Variants in DOCK3 observed in about 807,000 individuals in gnomAD.
DOCK3 encodes dedicator of cytokinesis protein 3.
Under a neutral mutation model 265.6 loss-of-function variants are expected in DOCK3, and 60 were observed. The observed-to-expected ratio is 0.23, with a 90% CI of 0.18 to 0.28. The LOEUF (loss-of-function observed/expected upper bound fraction) is 0.28. Among genes scored for constraint, DOCK3 ranks in the 10% least tolerant of loss-of-function variants. The pLI, the probability that DOCK3 is intolerant of heterozygous loss-of-function variation, is 1.00. For synonymous variants in DOCK3, 881 were observed against 938.0 expected (o/e 0.94, Z 1.11); for missense variants, 1,981 against 2,594.3 (o/e 0.76, Z 5.14).
intron 4 of DOCK3, among the ~76,000 whole-genome samples, chr3:50,901,290 A>G (rs1259536280): frequency 1.3e-5 from 2 of 151,962 alleles, no homozygotes; most frequent in African/African-American, 2.4e-5. Flanking sequence ...AAAACTGCCT[A>G]CTCAAGCCTT....
chr3:51,060,098 A>G (rs1363305602), intron 5 of DOCK3, among the ~76,000 whole-genome samples: 2 of 151,978 alleles, frequency 1.3e-5, no homozygotes, highest in Admixed American at 1.3e-4. Context: ...ACTCACTCCA[A>G]CAATTCATTG....
intron 5 of DOCK3, among the ~76,000 whole-genome samples, chr3:50,962,839 A>G (rs779087439): frequency 5.9e-5 from 9 of 152,174 alleles, no homozygotes; most frequent in Non-Finnish European, 8.8e-5. Context: ...CCTTTATGCA[A>G]TGCTTTAGAA....
At chr3:51,196,633 ATG>A (rs1032898253) in intron 12 of DOCK3, among the ~76,000 whole-genome samples, 12 of 152,016 alleles carry the variant, frequency 7.9e-5, no homozygotes, top group African/African-American at 2.7e-4. Context: ...ATTTGTATTC[ATG>A]TTCTGAGATT....
At chr3:51,061,366 T>G (rs1050176412) in intron 5 of DOCK3, among the ~76,000 whole-genome samples, 1 of 152,120 alleles carries the variant, frequency 6.6e-6, no homozygotes, top group South Asian at 2.1e-4. Flanking sequence ...TATACACCAT[T>G]GAATACAATG....
At chr3:50,686,581 CTGGGAG>C (rs994662403) in intron 1 of DOCK3, among the ~76,000 whole-genome samples, 1 of 152,126 alleles carries the variant, frequency 6.6e-6, no homozygotes, top group Non-Finnish European at 1.5e-5. Context: ...CATGCACCAG[CTGGGAG>C]AAAGAAGGCC....
chr3:51,285,226 C>T (rs530402364), intron 27 of DOCK3, among the ~76,000 whole-genome samples: 14 of 152,008 alleles, frequency 9.2e-5, no homozygotes, highest in African/African-American at 2.9e-4. Context: ...ACAAGGCCAA[C>T]CTGACAAGAT....
intron 9 of DOCK3, among the ~76,000 whole-genome samples, chr3:51,098,770 C>T (rs1385491240): frequency 6.6e-5 from 10 of 152,178 alleles, no homozygotes; most frequent in East Asian, 3.9e-4. Context: ...CCAACATTTT[C>T]GCAAAGATTT....
At chr3:51,135,846 G>A (rs1357996298) in intron 9 of DOCK3, among the ~76,000 whole-genome samples, 1 of 152,002 alleles carries the variant, frequency 6.6e-6, no homozygotes, top group Admixed American at 6.6e-5. Flanking sequence ...GAGTCGCCAG[G>A]GCTGTAAATG....
chr3:50,864,557 T>C (rs2047053908), intron 3 of DOCK3, among the ~76,000 whole-genome samples: 1 of 152,190 alleles, frequency 6.6e-6, no homozygotes, highest in African/African-American at 2.4e-5. Context: ...TGTTTTGTTT[T>C]AGTAGTTTAA....
intron 27 of DOCK3, among the ~76,000 whole-genome samples, chr3:51,306,990 T>A (rs2082723565): frequency 6.6e-6 from 1 of 152,224 alleles, no homozygotes; most frequent in Non-Finnish European, 1.5e-5. Context: ...AACTGGACAT[T>A]TTAATTAATT....
chr3:51,312,114 C>A (rs775738333), intron 29 of DOCK3, 35 bp downstream of exon 29: 6 of 1,554,286 alleles, frequency 3.9e-6, no homozygotes, highest in Non-Finnish European at 5.3e-6. Flanking sequence ...ACTATTATTG[C>A]AATAACCTTA....
chr3:50,803,400 T>C (rs1477928598), intron 2 of DOCK3, among the ~76,000 whole-genome samples: 3 of 152,286 alleles, frequency 2.0e-5, no homozygotes, highest in African/African-American at 7.2e-5. Context: ...GGTAAGGCCA[T>C]AGATTAACAG....
At chr3:51,338,329 T>A in intron 35 of DOCK3, 30 bp from the exon 36 acceptor site, 1 of 1,551,356 alleles carries the variant, frequency 6.4e-7, no homozygotes, top group Non-Finnish European at 8.7e-7. Context: ...CCACTTCATA[T>A]CTGGTGCTCA....
At chr3:50,942,256 A>G (rs2076316750) in intron 5 of DOCK3, among the ~76,000 whole-genome samples, 1 of 152,048 alleles carries the variant, frequency 6.6e-6, no homozygotes, top group Non-Finnish European at 1.5e-5. Flanking sequence ...TCTTCCTGAT[A>G]TCACATTCCA....
chr3:51,258,407 G>A (rs1413095516), intron 22 of DOCK3, among the ~76,000 whole-genome samples: 1 of 152,104 alleles, frequency 6.6e-6, no homozygotes, highest in Non-Finnish European at 1.5e-5. Context: ...TGCTCAACAA[G>A]TTCATTTTCT....
At chr3:51,135,209 A>G (rs2084739590) in intron 9 of DOCK3, among the ~76,000 whole-genome samples, 1 of 152,180 alleles carries the variant, frequency 6.6e-6, no homozygotes, top group Non-Finnish European at 1.5e-5. Context: ...TCTCTGGTTG[A>G]TATAACCACA....
chr3:51,376,380 A>G (rs1409075212), intron 51 of DOCK3, among the ~76,000 whole-genome samples: 1 of 152,156 alleles, frequency 6.6e-6, no homozygotes, highest in African/African-American at 2.4e-5. Context: ...CTGTGAATCC[A>G]TCTTTTATTG....
At chr3:51,327,173 C>T (rs2084182679) in intron 32 of DOCK3, among the ~76,000 whole-genome samples, 1 of 152,134 alleles carries the variant, frequency 6.6e-6, no homozygotes, top group African/African-American at 2.4e-5. Context: ...AGATGATGGG[C>T]TCTTAGGGAC....
Position 51,165,446 on chromosome 3 carries a change from G to A in DOCK3, c.1037+4744G>A, listed in dbSNP as rs377356690. On this transcript the variant is annotated intron_variant, in intron 12 of 52. Transcript: ENST00000266037. ...ATCACTTGACATATTTACTTTTCTT[G>A]TGGTAAGAACACCTAATGTTTACCA... Among the ~76,000 whole-genome samples the A allele has an allele frequency of 8.0e-4, 122 of 152,260 alleles. No homozygotes were observed. In the South Asian group the frequency reaches 8.3e-3, roughly 10 times the overall value.
Sources: gnomAD v4.1 joint callset for allele counts (sites outside exome capture counted in the v4.1 genomes callset) on GRCh38, gnomAD v4.1.1 for gene constraint, MANE v1.5 for transcripts, NCBI Gene and HGNC (gene_info 2026-07-23, HGNC 2026-07-21) for gene names.